The following ROBO1 variants were observed in gnomAD, a reference collection of about 807,000 sequenced individuals.
ROBO1 encodes the protein roundabout homolog 1.
In ROBO1, 149 loss-of-function variants were observed where a neutral mutation model predicts 195.9. That is an observed-to-expected ratio of 0.76 (90% CI 0.67 to 0.87). The LOEUF (loss-of-function observed/expected upper bound fraction) is 0.87, where lower values mean the gene tolerates loss of function less well. Ranked by LOEUF, ROBO1 falls within the 40% of genes least tolerant of loss-of-function variation. The probability of loss-of-function intolerance (pLI) is 0.00; values close to 1 mark genes in which losing one functional copy is unlikely to be tolerated. For missense variants in ROBO1, 1,933 were observed against 2,068.3 expected (o/e 0.93, Z 1.27); for synonymous variants, 816 against 733.2 (o/e 1.11, Z -1.82).
intron 2 of ROBO1, among the ~76,000 whole-genome samples, chr3:79,136,866 C>T (rs1559685936): frequency 6.6e-6 from 1 of 151,698 alleles, no homozygotes; most frequent in Middle Eastern, 3.2e-3. Flanking sequence ...TTAGGTGGTG[C>T]CTCCTTAGAA....
At chr3:78,920,859 T>G (rs2038906340) in intron 4 of ROBO1, among the ~76,000 whole-genome samples, 1 of 151,898 alleles carries the variant, frequency 6.6e-6, no homozygotes, top group African/African-American at 2.4e-5. Flanking sequence ...ACTTTATTTT[T>G]GCAGAGGCAA....
At chr3:78,933,566 A>T (rs1184881880) in intron 4 of ROBO1, among the ~76,000 whole-genome samples, 1 of 152,090 alleles carries the variant, frequency 6.6e-6, no homozygotes, top group African/African-American at 2.4e-5. Context: ...GACATCATTG[A>T]GATGTCATTA....
chr3:79,365,100 A>G (rs1180968719), intron 2 of ROBO1, among the ~76,000 whole-genome samples: 1 of 152,156 alleles, frequency 6.6e-6, no homozygotes, highest in Admixed American at 6.5e-5. Context: ...GAATTGCATC[A>G]GAATGTCCTG....
At chr3:78,639,679 G>T in intron 22 of ROBO1, 65 bp downstream of exon 22, 1 of 1,452,316 alleles carries the variant, frequency 6.9e-7, no homozygotes, top group East Asian at 2.4e-5. Flanking sequence ...GAGAGGGAAA[G>T]AAAAGATCTT....
intron 2 of ROBO1, among the ~76,000 whole-genome samples, chr3:79,587,070 C>A (rs1261640934): frequency 6.6e-6 from 1 of 151,778 alleles, no homozygotes; most frequent in East Asian, 1.9e-4. Context: ...TATTTCTTTT[C>A]TCTAAAACAG....
intron 2 of ROBO1, among the ~76,000 whole-genome samples, chr3:79,557,327 AATG>A (rs1446289068): frequency 1.3e-5 from 2 of 152,138 alleles, no homozygotes; most frequent in African/African-American, 2.4e-5. Context: ...ATACAGAGAA[AATG>A]ATGTAGATTT....
At chr3:79,202,448 T>C (rs1483802582) in intron 2 of ROBO1, among the ~76,000 whole-genome samples, 1 of 152,054 alleles carries the variant, frequency 6.6e-6, no homozygotes, top group Admixed American at 6.6e-5. Flanking sequence ...AAATTCACTC[T>C]TTGATTTTTA....
intron 3 of ROBO1, among the ~76,000 whole-genome samples, chr3:79,088,217 A>G (rs2079410961): frequency 6.6e-6 from 1 of 152,144 alleles, no homozygotes; most frequent in Non-Finnish European, 1.5e-5. Flanking sequence ...TAACAGAATG[A>G]CTTCTAAATT....
Position 78,752,396 on chromosome 3 carries a change from C to T in ROBO1, c.500-5496G>A, listed in dbSNP as rs2082819888. 2.0e-5 allele frequency among the ~76,000 whole-genome samples: 3 copies of T among 152,072 alleles called. No homozygotes were observed. In the South Asian group the frequency reaches 6.2e-4, roughly 31 times the overall value. On this transcript the variant is annotated intron_variant, in intron 4 of 30. Coordinates refer to ENST00000464233, the MANE Select transcript of ROBO1 (RefSeq NM_002941.4). ...TAAAATGTTGACGTCTGTCAAAAAA[C>T]ATTAATATTCACCTTTTTGGGAAAC...
chr3:79,285,979 T>C (rs1194668493), intron 2 of ROBO1, among the ~76,000 whole-genome samples: 2 of 152,164 alleles, frequency 1.3e-5, no homozygotes, highest in Non-Finnish European at 2.9e-5. Context: ...GCCAATTTTA[T>C]TTGCATTATT....
At chr3:79,447,076 G>A (rs889564300) in intron 2 of ROBO1, among the ~76,000 whole-genome samples, 6 of 151,750 alleles carry the variant, frequency 4.0e-5, no homozygotes, top group Non-Finnish European at 8.8e-5. Flanking sequence ...TGATCCGTCC[G>A]CCTTGGCCTC....
chr3:78,774,642 G>A (rs192910682), intron 4 of ROBO1, among the ~76,000 whole-genome samples: 2 of 151,900 alleles, frequency 1.3e-5, no homozygotes, highest in Admixed American at 6.5e-5. Flanking sequence ...AAATATCAGA[G>A]GAAACTCACT....
At chr3:79,727,928 T>C (rs1702987232) in intron 1 of ROBO1, among the ~76,000 whole-genome samples, 1 of 152,140 alleles carries the variant, frequency 6.6e-6, no homozygotes, top group South Asian at 2.1e-4. Flanking sequence ...AAAGGTCCCA[T>C]GTATAGCAAC....
At chr3:79,191,110 G>A (rs1474053237) in intron 2 of ROBO1, among the ~76,000 whole-genome samples, 1 of 151,382 alleles carries the variant, frequency 6.6e-6, no homozygotes, top group African/African-American at 2.4e-5. Flanking sequence ...GTTAATTCTC[G>A]TGATTTTTGA....
At chr3:79,740,666 C>T (rs1000169593) in intron 1 of ROBO1, among the ~76,000 whole-genome samples, 2 of 152,096 alleles carry the variant, frequency 1.3e-5, no homozygotes, top group South Asian at 2.1e-4. Context: ...GCAGAAACCG[C>T]CCCCATGATT....
At chr3:79,244,838 G>T (rs1559761071) in intron 2 of ROBO1, among the ~76,000 whole-genome samples, 1 of 151,678 alleles carries the variant, frequency 6.6e-6, no homozygotes, top group African/African-American at 2.4e-5. Context: ...ATTATTTTCT[G>T]TTTTTTTCTT....
chr3:79,111,005 T>G (rs1559667016), intron 3 of ROBO1, among the ~76,000 whole-genome samples: 1 of 152,104 alleles, frequency 6.6e-6, no homozygotes, highest in African/African-American at 2.4e-5. Flanking sequence ...GTGGCCACCT[T>G]TAATGAAGAG....
chr3:79,668,665 T>TAC (rs112377466), intron 1 of ROBO1, among the ~76,000 whole-genome samples: 4,258 of 151,076 alleles, frequency 0.028, 162 homozygotes, highest in African/African-American at 0.084. Flanking sequence ...CTAAGCAATT[T>TAC]ACACACACAC....
chr3:79,414,454 T>C (rs927577232), intron 2 of ROBO1, among the ~76,000 whole-genome samples: 8 of 152,186 alleles, frequency 5.3e-5, no homozygotes, highest in Admixed American at 4.6e-4. Context: ...AATATGACTC[T>C]CTAAAACAAC....
Sources: allele counts gnomAD v4.1 joint callset (sites outside exome capture counted in the v4.1 genomes callset), GRCh38; gene constraint gnomAD v4.1.1; transcripts MANE v1.5; gene names NCBI Gene and HGNC (gene_info 2026-07-23, HGNC 2026-07-21).